The following KCNJ3 variants were observed in gnomAD, a reference collection of about 807,000 sequenced individuals.
The protein encoded by KCNJ3 is potassium inwardly rectifying channel subfamily J member 3.
A neutral mutation model predicts 39.2 loss-of-function variants in KCNJ3; 4 were observed. The observed-to-expected ratio is 0.10, with a 90% confidence interval of 0.05 to 0.23. KCNJ3 has a LOEUF of 0.23. KCNJ3 is among the 10% of genes least tolerant of loss of function. KCNJ3 has a pLI of 1.00. For missense variants in KCNJ3, 276 were observed against 634.9 expected, an observed-to-expected ratio of 0.43 and a Z score of 6.08; for synonymous variants, 230 against 237.4, an observed-to-expected ratio of 0.97 and a Z score of 0.29.
At chr2:154,783,407 G>A in intron 2 of KCNJ3, among the ~76,000 whole-genome samples, 1 of 152,292 alleles carries the variant, frequency 6.6e-6, no homozygotes, top group South Asian at 2.1e-4. Context: ...ACAGAAACAA[G>A]GAGACATGGG....
At chr2:154,738,162 G>A (rs954993124) in intron 2 of KCNJ3, among the ~76,000 whole-genome samples, 4 of 152,004 alleles carry the variant, frequency 2.6e-5, no homozygotes, top group Non-Finnish European at 5.9e-5. Flanking sequence ...TAAGTGAAAC[G>A]AGCCAGGCAC....
rs1687824860 is a variant in KCNJ3 at position 154,855,668 on chromosome 2, T to TAACA, written c.*356_*359dup. The TAACA allele has an allele frequency of 6.2e-6, 1 of 160,624 alleles. No homozygotes were observed. The highest frequency in any genetic ancestry group is 1.7e-4 in the South Asian group (1 of 5,970). 9.9% of individuals were successfully genotyped at this position (160,624 alleles called of 1,614,324 possible). A position where few individuals can be genotyped will look rare whatever the true frequency, so the allele number is the denominator to read the frequency against. On this transcript the variant is annotated 3_prime_UTR_variant, in exon 3 of 3. Coordinates refer to ENST00000295101, the MANE Select transcript of KCNJ3 (RefSeq NM_002239.4). ...GGGGAGATACTCTCCCTGACATTTC[T>TAACA]AACATATGTATTAAGCCAAACATGA...
intron 2 of KCNJ3, among the ~76,000 whole-genome samples, chr2:154,824,936 C>T (rs1174778627): frequency 6.6e-6 from 1 of 152,212 alleles, no homozygotes; most frequent in East Asian, 1.9e-4. Flanking sequence ...TGTGAATCCT[C>T]TTTATGGGAA....
At position 154,857,628 on chromosome 2, in the gene KCNJ3, C is replaced by T. The variant is rs868173893; in HGVS notation, c.*2315C>T. ...TGACTCAGTGGCTCACGCCTGTAAT[C>T]CCAGTACTTTGGGAGGCGGAGGTTG... On this transcript the variant is annotated 3_prime_UTR_variant, in exon 3 of 3. Coordinates refer to ENST00000295101, the MANE Select transcript of KCNJ3 (RefSeq NM_002239.4). The T allele has an allele frequency of 6.6e-6, 1 of 152,026 alleles. No homozygotes were observed. The highest frequency in any genetic ancestry group is 1.5e-5 in the Non-Finnish European group (1 of 68,130). 9.4% of individuals were successfully genotyped at this position (152,026 alleles called of 1,614,324 possible). A position where few individuals can be genotyped will look rare whatever the true frequency, so the allele number is the denominator to read the frequency against.
chr2:154,725,565 T>A (rs1257301275), intron 2 of KCNJ3, among the ~76,000 whole-genome samples: 2 of 152,032 alleles, frequency 1.3e-5, no homozygotes, highest in African/African-American at 2.4e-5. Context: ...TTTTCCTGTA[T>A]CAAACTTTAT....
At chr2:154,780,994 G>A (rs182518537) in intron 2 of KCNJ3, among the ~76,000 whole-genome samples, 26 of 152,252 alleles carry the variant, frequency 1.7e-4, no homozygotes, top group African/African-American at 5.8e-4. Context: ...GAATTATCTT[G>A]GAAAGGGCTT....
intron 2 of KCNJ3, among the ~76,000 whole-genome samples, chr2:154,788,947 G>A (rs1558874451): frequency 6.6e-6 from 1 of 152,000 alleles, no homozygotes; most frequent in African/African-American, 2.4e-5. Context: ...AAAAAGCCGT[G>A]TTATCTGTTC....
In KCNJ3 at chr2:154,855,389, T is replaced by C. The variant is rs1486756792; in HGVS notation, c.*76T>C. ...TATTTGGCGATGAGGTAATTCTCCC[T>C]AAGGAATCTGAAAGTATATTTTCCT... On this transcript the variant is annotated 3_prime_UTR_variant, in exon 3 of 3. Coordinates refer to ENST00000295101, the MANE Select transcript of KCNJ3 (RefSeq NM_002239.4). 4.1e-6 allele frequency: 4 copies of C among 974,700 alleles called. No individual in the cohort carries two copies. The highest frequency in any genetic ancestry group is 4.5e-6 in the Non-Finnish European group (3 of 664,876). The allele number at this position is 974,700 out of a possible 1,614,324, so 60.4% of individuals were successfully genotyped here.
chr2:154,701,025 A>G (rs1231676273), intron 1 of KCNJ3, among the ~76,000 whole-genome samples: 1 of 152,174 alleles, frequency 6.6e-6, no homozygotes, highest in Non-Finnish European at 1.5e-5. Context: ...TTTAAAATTT[A>G]ACTTAGTGTA....
intron 2 of KCNJ3, among the ~76,000 whole-genome samples, chr2:154,827,038 G>A (rs184920594): frequency 7.2e-5 from 11 of 152,224 alleles, no homozygotes; most frequent in East Asian, 1.9e-4. Flanking sequence ...TTAGCTGAGC[G>A]TCCAAGATCC....
At chr2:154,780,703 T>TATATCATACATAA (rs1243012752) in intron 2 of KCNJ3, among the ~76,000 whole-genome samples, 1 of 152,190 alleles carries the variant, frequency 6.6e-6, no homozygotes, top group Non-Finnish European at 1.5e-5. Context: ...TTCATACATA[T>TATATCATACATAA]ATATCATACA....
chr2:154,698,947 G>A lies in KCNJ3; in HGVS notation c.172G>A (p.Gly58Ser). ...GAACGGCCGGTGCAATGTACAGCAC[G>A]GCAACCTGGGCAGCGAGACAAGCCG... ...DKNGRCNVQH[G>S]NLGSETSRYL... Residue 58 changes from glycine (G) to serine (S), a missense_variant, in exon 1 of 3, where the codon GGC becomes AGC. Coordinates refer to ENST00000295101, the MANE Select transcript of KCNJ3 (RefSeq NM_002239.4). The A allele has an allele frequency of 6.2e-7, 1 of 1,614,128 alleles. No homozygotes were observed. Among genetic ancestry groups the A allele is most frequent in the Non-Finnish European group, 8.5e-7 (1 of 1,180,024 alleles).
At chr2:154,702,686 C>A (rs894894760) in intron 1 of KCNJ3, among the ~76,000 whole-genome samples, 2 of 151,768 alleles carry the variant, frequency 1.3e-5, no homozygotes, top group African/African-American at 2.4e-5. Context: ...GGGGTCAGTC[C>A]TTTTTCTACT....
chr2:154,732,201 T>A (rs1431272300), intron 2 of KCNJ3, among the ~76,000 whole-genome samples: 1 of 152,150 alleles, frequency 6.6e-6, no homozygotes, highest in African/African-American at 2.4e-5. Context: ...TATAGAGTTT[T>A]GTAAGAAGTG....
At chr2:154,811,716 G>A (rs1249752195) in intron 2 of KCNJ3, among the ~76,000 whole-genome samples, 1 of 152,078 alleles carries the variant, frequency 6.6e-6, no homozygotes, top group Non-Finnish European at 1.5e-5. Flanking sequence ...CAAGCCTTTG[G>A]TCTCCAGAAA....
intron 2 of KCNJ3, among the ~76,000 whole-genome samples, chr2:154,838,396 C>T (rs1041310493): frequency 7.2e-5 from 11 of 152,152 alleles, no homozygotes; most frequent in African/African-American, 2.4e-4. Flanking sequence ...AACCATCTCT[C>T]GTCCTGTGAT....
At chr2:154,842,166 A>C (rs1411820111) in intron 2 of KCNJ3, among the ~76,000 whole-genome samples, 2 of 152,192 alleles carry the variant, frequency 1.3e-5, no homozygotes, top group African/African-American at 4.8e-5. Flanking sequence ...GTTTCAAAGA[A>C]CATCTTTATT....
At position 154,807,524 on chromosome 2, in the gene KCNJ3, G is replaced by C. The variant is rs569338442; in HGVS notation, c.920-47203G>C. On this transcript the variant is annotated intron_variant, in intron 2 of 2. Transcript: ENST00000295101. ...TTGGAGGGATAACCTGAGAACAGCAGTCTGACCTATAATATTTGTCTATAC... is the reference window on the plus strand; with the variant it reads ...TTGGAGGGATAACCTGAGAACAGCACTCTGACCTATAATATTTGTCTATAC... Among the ~76,000 whole-genome samples, 11 of 152,168 alleles carry C rather than the reference G, an allele frequency of 7.2e-5. 1 individual carries two copies. Among genetic ancestry groups the C allele is most frequent in the African/African-American group, 2.7e-4 (11 of 41,444 alleles).
chr2:154,792,644 A>G (rs1186755195), intron 2 of KCNJ3, among the ~76,000 whole-genome samples: 1 of 152,128 alleles, frequency 6.6e-6, no homozygotes, highest in Admixed American at 6.6e-5. Flanking sequence ...CTAGTATGTG[A>G]TTGTGTTTGC....
Sources: allele counts gnomAD v4.1 joint callset (sites outside exome capture counted in the v4.1 genomes callset), GRCh38; gene constraint gnomAD v4.1.1; transcripts MANE v1.5; gene names NCBI Gene and HGNC (gene_info 2026-07-23, HGNC 2026-07-21).